The following SHLD1 variants were observed in gnomAD, a reference collection of about 807,000 sequenced individuals.
SHLD1 encodes RINN1-REV7-interacting novel NHEJ regulator 3.
Under a neutral mutation model 5.5 loss-of-function variants are expected in SHLD1, and 3 were observed. That is an observed-to-expected ratio of 0.54 (90% CI 0.25 to 1.40). The LOEUF is 1.40. Among genes scored for constraint, SHLD1 ranks in the 40% most tolerant of loss-of-function variants. SHLD1 has a pLI of 0.15. For missense variants in SHLD1, 210 were observed against 244.4 expected (o/e 0.86, Z 0.94); for synonymous variants, 92 against 94.3 (o/e 0.98, Z 0.14).
chr20:5,823,388 C>T (rs925424359), intron 2 of SHLD1, among the ~76,000 whole-genome samples: 2 of 151,808 alleles, frequency 1.3e-5, no homozygotes, highest in South Asian at 2.1e-4. Context: ...CCACCTGACT[C>T]GGCTTCCCAA....
intron 2 of SHLD1, among the ~76,000 whole-genome samples, chr20:5,840,539 G>A (rs237091): frequency 0.22 from 33,544 of 152,036 alleles, 3,924 homozygotes; most frequent in East Asian, 0.28. Context: ...TAGTGATAGC[G>A]TCCTGATTTA....
chr20:5,806,426 C>G lies in SHLD1; in HGVS notation c.178+33383C>G, dbSNP rs748657530. On this transcript the variant is annotated intron_variant, in intron 2 of 2. Transcript: ENST00000303142. The surrounding 1 kb of genome is among the most constrained non-coding windows in gnomAD (Gnocchi z 7.6). ...CATCCTTTGTGATGGTTTTGAAGCA[C>G]TGATCATTTTCCTGTATTACTGTGG... 1.3e-5 allele frequency among the ~76,000 whole-genome samples: 2 copies of G among 152,214 alleles called. No homozygotes were observed. The highest frequency in any genetic ancestry group is 2.4e-5 in the African/African-American group (1 of 41,448).
chr20:5,757,192 G>A (rs1434985130), intron 1 of SHLD1, among the ~76,000 whole-genome samples: 1 of 149,684 alleles, frequency 6.7e-6, no homozygotes, highest in African/African-American at 2.5e-5. Flanking sequence ...TGCCTTAGCA[G>A]GAGAGTTACA....
At chr20:5,832,780 A>G (rs973989885) in intron 2 of SHLD1, among the ~76,000 whole-genome samples, 1 of 149,720 alleles carries the variant, frequency 6.7e-6, no homozygotes, top group Non-Finnish European at 1.5e-5. Context: ...CCTGAACTTA[A>G]AAGCTGGAAA....
At chr20:5,837,233 G>T (rs2087800212) in intron 2 of SHLD1, among the ~76,000 whole-genome samples, 1 of 152,156 alleles carries the variant, frequency 6.6e-6, no homozygotes, top group Non-Finnish European at 1.5e-5. Context: ...CAACAGAGGG[G>T]TTAGGAGTAT....
In SHLD1 at chr20:5,775,780, G is replaced by A. The variant is rs868764948; in HGVS notation, c.178+2737G>A. ...TATTTGTAAAATGGAGATGATAACA[G>A]CACCTCCTTGTTGGGGAGGTTATAA... On this transcript the variant is annotated intron_variant, in intron 2 of 2. Transcript: ENST00000303142. Among the ~76,000 whole-genome samples, 17 of 152,208 alleles carry A rather than the reference G, an allele frequency of 1.1e-4. 1 individual carries two copies. The highest frequency in any genetic ancestry group is 6.8e-3 in the Middle Eastern group (2 of 294).
intron 1 of SHLD1, among the ~76,000 whole-genome samples, chr20:5,759,620 A>G (rs1984344565): frequency 6.6e-6 from 1 of 151,534 alleles, no homozygotes; most frequent in Non-Finnish European, 1.5e-5. Context: ...TGTAGCCTCG[A>G]CCTCCTGAGC....
chr20:5,807,941 T>C (rs1356650246), intron 2 of SHLD1, among the ~76,000 whole-genome samples: 2 of 152,184 alleles, frequency 1.3e-5, no homozygotes, highest in Non-Finnish European at 2.9e-5. Flanking sequence ...AATCATCCTT[T>C]TCTTTTAAAA....
chr20:5,845,666 C>T (rs1482549604), intron 2 of SHLD1, among the ~76,000 whole-genome samples: 2 of 152,172 alleles, frequency 1.3e-5, no homozygotes, highest in African/African-American at 2.4e-5. Flanking sequence ...ACAAACCTTG[C>T]CTTTCACCCC....
chr20:5,756,309 C>G (rs1253957794), intron 1 of SHLD1, among the ~76,000 whole-genome samples: 3 of 151,946 alleles, frequency 2.0e-5, no homozygotes, highest in Non-Finnish European at 4.4e-5. Context: ...AATTTTTAAG[C>G]ATTATATTGA....
chr20:5,852,415 C>CCCTTCCTTCCTT (rs71334360), intron 2 of SHLD1, among the ~76,000 whole-genome samples: 1,555 of 150,074 alleles, frequency 0.01, 25 homozygotes, highest in African/African-American at 0.036. Context: ...TCCTTTCCCT[C>CCCTTCCTTCCTT]CCTTCCTTCC....
chr20:5,808,593 T>G (rs2087415823), intron 2 of SHLD1, among the ~76,000 whole-genome samples: 1 of 152,236 alleles, frequency 6.6e-6, no homozygotes, highest in South Asian at 2.1e-4. Context: ...CATTGTATGA[T>G]TGGATCATAG....
intron 1 of SHLD1, among the ~76,000 whole-genome samples, chr20:5,769,552 A>T (rs1207294097): frequency 6.6e-6 from 1 of 152,236 alleles, no homozygotes; most frequent in East Asian, 1.9e-4. Context: ...GATAAAGGTT[A>T]ATTTATAAAT....
chr20:5,798,019 G>A (rs1391086981), intron 2 of SHLD1, among the ~76,000 whole-genome samples: 1 of 152,210 alleles, frequency 6.6e-6, no homozygotes, highest in Non-Finnish European at 1.5e-5. Flanking sequence ...AATTTTGTGG[G>A]TTGATGTGCT....
At chr20:5,860,315 C>T (rs776143936) in intron 2 of SHLD1, among the ~76,000 whole-genome samples, 16 of 152,194 alleles carry the variant, frequency 1.1e-4, no homozygotes, top group Admixed American at 2.0e-4. Flanking sequence ...GAAGTTTTTA[C>T]ATCTATCCCC....
chr20:5,837,122 C>T (rs1200465946), intron 2 of SHLD1, among the ~76,000 whole-genome samples: 1 of 152,088 alleles, frequency 6.6e-6, no homozygotes, highest in Non-Finnish European at 1.5e-5. Flanking sequence ...TCCGGGAGGG[C>T]TGGGGTCCTG....
chr20:5,805,608 T>TTTTGC (rs1276425173), intron 2 of SHLD1, among the ~76,000 whole-genome samples: 7 of 151,990 alleles, frequency 4.6e-5, no homozygotes, highest in African/African-American at 1.5e-4. Flanking sequence ...TGTTGTTTTG[T>TTTTGC]TTTGCTTTTT....
In SHLD1 at chr20:5,787,181, C is replaced by A. The variant is rs2087071382; in HGVS notation, c.178+14138C>A. Among the ~76,000 whole-genome samples, 4 of 152,202 alleles carry A rather than the reference C, an allele frequency of 2.6e-5. 1 individual carries two copies. The highest frequency in any genetic ancestry group is 2.6e-4 in the Admixed American group (4 of 15,272). On this transcript the variant is annotated intron_variant, in intron 2 of 2. Coordinates refer to ENST00000303142, the MANE Select transcript of SHLD1 (RefSeq NM_152504.4). ...CCTCCAGGGGGCCAAGGGCCTTGGT[C>A]CCCACAAAGGCATTGCCTTCTCAGT... is the stretch of plus-strand genomic sequence containing the variant.
intron 2 of SHLD1, among the ~76,000 whole-genome samples, chr20:5,852,260 C>T (rs760495789): frequency 5.9e-5 from 9 of 152,154 alleles, no homozygotes; most frequent in Non-Finnish European, 1.3e-4. Flanking sequence ...TTTTTGAAGT[C>T]TGGTGTGATT....
Sources: allele counts gnomAD v4.1 joint callset (sites outside exome capture counted in the v4.1 genomes callset), GRCh38; gene constraint gnomAD v4.1.1; non-coding constraint Gnocchi (gnomAD v3.1); transcripts MANE v1.5; gene names NCBI Gene and HGNC (gene_info 2026-07-23, HGNC 2026-07-21).